Variants in PTPRT observed in about 807,000 individuals in gnomAD.
The protein encoded by PTPRT is protein tyrosine phosphatase receptor type T.
In PTPRT, 56 loss-of-function variants were observed where a neutral mutation model predicts 176.8. The observed-to-expected ratio is 0.32, with a 90% confidence interval of 0.26 to 0.40. The LOEUF (loss-of-function observed/expected upper bound fraction) is 0.40, where lower values mean the gene tolerates loss of function less well. PTPRT is among the 10% of genes least tolerant of loss of function. PTPRT has a pLI of 1.00. For synonymous variants in PTPRT, 783 were observed against 739.0 expected, an observed-to-expected ratio of 1.06 and a Z score of -0.96; for missense variants, 1,540 against 1,908.2, an observed-to-expected ratio of 0.81 and a Z score of 3.60.
chr20:43,136,882 G>A (rs548445987), intron 1 of PTPRT, among the ~76,000 whole-genome samples: 8 of 152,220 alleles, frequency 5.3e-5, no homozygotes, highest in South Asian at 2.1e-4. Context: ...AAAGGCTCCC[G>A]AGTTTATTTG....
intron 15 of PTPRT, among the ~76,000 whole-genome samples, chr20:42,209,346 A>G (rs1173489451): frequency 6.6e-6 from 1 of 152,096 alleles, no homozygotes; most frequent in African/African-American, 2.4e-5. Flanking sequence ...CAAAAAATTA[A>G]TGAATCCAGG....
At chr20:42,598,672 T>C (rs2073719935) in intron 7 of PTPRT, among the ~76,000 whole-genome samples, 1 of 151,482 alleles carries the variant, frequency 6.6e-6, no homozygotes, top group African/African-American at 2.4e-5. Context: ...TTTTTAAGTG[T>C]AGAAAAGGAA....
At chr20:42,649,969 T>C (rs2074999668) in intron 7 of PTPRT, among the ~76,000 whole-genome samples, 1 of 152,142 alleles carries the variant, frequency 6.6e-6, no homozygotes, top group Non-Finnish European at 1.5e-5. Context: ...GGTCCCCTTA[T>C]AAAGAGCTCT....
intron 6 of PTPRT, among the ~76,000 whole-genome samples, chr20:42,754,867 A>G (rs1268342559): frequency 6.6e-6 from 1 of 152,174 alleles, no homozygotes; most frequent in Non-Finnish European, 1.5e-5. Flanking sequence ...TGCAAGTCAA[A>G]ACAGGCGAAC....
intron 1 of PTPRT, among the ~76,000 whole-genome samples, chr20:43,115,593 A>G (rs886376854): frequency 6.6e-6 from 1 of 152,196 alleles, no homozygotes; most frequent in African/African-American, 2.4e-5. Context: ...TATTACCAGC[A>G]TCTAGTGTAT....
chr20:42,100,525 G>A (rs897643653), intron 26 of PTPRT, among the ~76,000 whole-genome samples: 2 of 152,220 alleles, frequency 1.3e-5, no homozygotes, highest in Non-Finnish European at 2.9e-5. Context: ...AATACAATCA[G>A]CATCAGAGCT....
intron 1 of PTPRT, among the ~76,000 whole-genome samples, chr20:43,023,430 CA>C (rs1248692067): frequency 2.0e-5 from 3 of 152,190 alleles, no homozygotes; most frequent in Non-Finnish European, 4.4e-5. Context: ...ACAGGCACAA[CA>C]AAAGATGCTC....
intron 7 of PTPRT, among the ~76,000 whole-genome samples, chr20:42,611,627 C>T (rs779971136): frequency 6.6e-6 from 1 of 152,162 alleles, no homozygotes; most frequent in East Asian, 1.9e-4. Flanking sequence ...TTGTGTTCCA[C>T]GTGTGACTCA....
intron 17 of PTPRT, 122 bp downstream of exon 17, chr20:42,161,230 T>C: frequency 8.9e-7 from 1 of 1,123,598 alleles, no homozygotes; most frequent in Admixed American, 2.1e-5. Flanking sequence ...TTGCATTTCC[T>C]ACACGCTCCC....
intron 7 of PTPRT, among the ~76,000 whole-genome samples, chr20:42,523,199 T>A (rs184144709): frequency 2.6e-5 from 4 of 152,318 alleles, no homozygotes; most frequent in South Asian, 4.1e-4. Flanking sequence ...GAAGTACCTG[T>A]TAGTTATGTG....
At chr20:42,622,246 T>G (rs1198843803) in intron 7 of PTPRT, among the ~76,000 whole-genome samples, 1 of 91,338 alleles carries the variant, frequency 1.1e-5, no homozygotes, top group East Asian at 2.3e-4. Flanking sequence ...TGGACTTAAA[T>G]TTTTTTTTTT....
chr20:43,178,816 C>T (rs562610352), intron 1 of PTPRT, among the ~76,000 whole-genome samples: 16 of 152,266 alleles, frequency 1.1e-4, no homozygotes, highest in African/African-American at 3.4e-4. Context: ...AGAAACTGCT[C>T]AAAAACCCAA....
At chr20:43,127,372 G>A (rs535214430) in intron 1 of PTPRT, among the ~76,000 whole-genome samples, 2 of 149,466 alleles carry the variant, frequency 1.3e-5, no homozygotes, top group Non-Finnish European at 3.0e-5. Context: ...GTAGTGAGCC[G>A]AGATCTTGCC....
chr20:43,117,440 T>C (rs1365706445), intron 1 of PTPRT, among the ~76,000 whole-genome samples: 3 of 152,162 alleles, frequency 2.0e-5, no homozygotes, highest in East Asian at 1.9e-4. Flanking sequence ...ATTTTCCTGT[T>C]CCAAGCATTA....
chr20:42,764,150 G>A (rs938051584), intron 5 of PTPRT, among the ~76,000 whole-genome samples: 1 of 152,114 alleles, frequency 6.6e-6, no homozygotes, highest in African/African-American at 2.4e-5. Flanking sequence ...GGAGCAGTCA[G>A]TATCATCAAA....
chr20:42,859,263 G>A (rs190542461), intron 2 of PTPRT, among the ~76,000 whole-genome samples: 81 of 152,208 alleles, frequency 5.3e-4, no homozygotes, highest in South Asian at 3.7e-3. Context: ...TGTTATGAAC[G>A]GAATAACTGA....
chr20:43,113,983 A>G (rs917565211), intron 1 of PTPRT, among the ~76,000 whole-genome samples: 2 of 152,224 alleles, frequency 1.3e-5, no homozygotes, highest in Non-Finnish European at 2.9e-5. Context: ...AGAAATTTCT[A>G]TGTAAATTAC....
At chr20:42,385,959 A>G (rs1479193585) in intron 9 of PTPRT, among the ~76,000 whole-genome samples, 3 of 152,220 alleles carry the variant, frequency 2.0e-5, no homozygotes, top group African/African-American at 7.2e-5. Context: ...TCTCATGCTA[A>G]GTTTTCTTAT....
At chr20:42,528,829 A>G (rs1204728143) in intron 7 of PTPRT, among the ~76,000 whole-genome samples, 4 of 152,196 alleles carry the variant, frequency 2.6e-5, no homozygotes. Context: ...ATCTCAAAAC[A>G]TTCCAGGACT....
Sources: gnomAD v4.1 joint callset for allele counts (sites outside exome capture counted in the v4.1 genomes callset) on GRCh38, gnomAD v4.1.1 for gene constraint, MANE v1.5 for transcripts, NCBI Gene and HGNC (gene_info 2026-07-23, HGNC 2026-07-21) for gene names.